Variants in COIL observed in about 807,000 individuals in gnomAD.
COIL encodes coilin p80.
COIL carries 28 observed loss-of-function variants against 51.6 expected under a neutral mutation model. The observed-to-expected ratio is 0.54, with a 90% CI of 0.40 to 0.74. The LOEUF is 0.74. Ranked by LOEUF, COIL falls within the 30% of genes least tolerant of loss-of-function variation. The pLI is 0.00. For missense variants in COIL, 667 were observed against 685.9 expected, an observed-to-expected ratio of 0.97 and a Z score of 0.31; for synonymous variants, 233 against 255.8, an observed-to-expected ratio of 0.91 and a Z score of 0.85.
rs775174640 is a variant in COIL, at chr17:56,950,710, C to T, written c.532G>A (p.Glu178Lys). 9 of 1,612,360 alleles carry T rather than the reference C, an allele frequency of 5.6e-6. No individual in the cohort carries two copies. Among genetic ancestry groups the T allele is most frequent in the South Asian group, 3.3e-5 (3 of 90,510 alleles). Residue 178 changes from glutamate (E) to lysine (K), a missense_variant, in exon 2 of 7, where the codon GAA (glutamate) becomes AAA (lysine). Transcript: ENST00000240316. ...TTTGGTGATTTTCTTTTGGCCTCTT[C>T]GTTATCATCACCCACTGTGCCACAG... is the stretch of plus-strand genomic sequence containing the variant. ...ATCGTVGDDN[E>K]EAKRKSPKKK...
intron 1 of COIL, chr17:56,952,364 G>A (rs1383573137): frequency 3.2e-5 from 14 of 440,838 alleles, no homozygotes; most frequent in East Asian, 2.5e-4. Context: ...GAAGCAAGAC[G>A]AAAACACATA....
Position 56,942,053 on chromosome 17 carries a change from A to T in COIL, c.1629T>A (p.Ala543=). The part of the protein sequence containing the change: ...NENGAEVVEY[A]VTQESKITVF... Reference sequence around the variant, plus strand: ...CACCTACCTTGCTCTCCTGTGTCACAGCGTACTCCACTACCTCGGCTCCAT... The same window carrying T: ...CACCTACCTTGCTCTCCTGTGTCACTGCGTACTCCACTACCTCGGCTCCAT... Residue 543 remains alanine, a synonymous_variant, in exon 6 of 7, where the codon GCT becomes GCA. Coordinates refer to ENST00000240316, the MANE Select transcript of COIL (RefSeq NM_004645.3). 2 of 1,614,080 alleles carry T rather than the reference A, an allele frequency of 1.2e-6. No homozygotes were observed. The highest frequency in any genetic ancestry group is 1.7e-6 in the Non-Finnish European group (2 of 1,179,898).
rs189749003 is a variant in COIL at position 56,951,077 on chromosome 17, T to C, written c.246-81A>G. On this transcript the variant is annotated intron_variant, in intron 1 of 6. Coordinates refer to ENST00000240316, the MANE Select transcript of COIL (RefSeq NM_004645.3). Reference sequence around the variant, plus strand: ...GGACATAGTTATATACTGAGATGACTCTACAAAATGTAACTACCATCAGTC... The same window carrying C: ...GGACATAGTTATATACTGAGATGACCCTACAAAATGTAACTACCATCAGTC... 5.4e-6 allele frequency: 7 copies of C among 1,306,394 alleles called. No homozygotes were observed. In the African/African-American group the frequency reaches 7.4e-5, roughly 14 times the overall value. The allele number at this position is 1,306,394 out of a possible 1,614,324, so 80.9% of individuals were successfully genotyped here.
chr17:56,938,397 G>C lies in COIL; in HGVS notation c.*674C>G, dbSNP rs1910079970. ...TGCCTGGCAAGATGACACATTTCCT[G>C]GTCTGAAGCTCACAGCCAATCCTCT... On this transcript the variant is annotated 3_prime_UTR_variant, in exon 7 of 7. Coordinates refer to ENST00000240316, the MANE Select transcript of COIL (RefSeq NM_004645.3). 2 of 152,124 alleles carry C rather than the reference G, an allele frequency of 1.3e-5. No homozygotes were observed. The highest frequency in any genetic ancestry group is 4.1e-4 in the South Asian group (2 of 4,822). The allele number at this position is 152,124 out of a possible 1,614,324, so 9.4% of individuals were successfully genotyped here. A position where few individuals can be genotyped will look rare whatever the true frequency, so the allele number is the denominator to read the frequency against.
intron 6 of COIL, chr17:56,939,806 A>C (rs1456581938): frequency 6.6e-6 from 1 of 152,136 alleles, no homozygotes. Context: ...TTTACATTAA[A>C]CATATTTCAT....
chr17:56,949,780 G>A lies in COIL; in HGVS notation c.1354-13C>T. The A allele has an allele frequency of 1.2e-6, 2 of 1,612,842 alleles. No individual in the cohort carries two copies. Among genetic ancestry groups the A allele is most frequent in the African/African-American group, 1.3e-5 (1 of 74,994 alleles). On this transcript the variant is annotated splice_polypyrimidine_tract_variant and intron_variant, in intron 2 of 6. Transcript: ENST00000240316. ...TCTCTACTGGATTCTGAAAAACAGT[G>A]TTAGTCATGTGACATCATCACTGGT... is the stretch of plus-strand genomic sequence containing the variant.
chr17:56,948,132 A>ATTTTT (rs11450212), intron 4 of COIL, among the ~76,000 whole-genome samples: 2 of 123,830 alleles, frequency 1.6e-5, no homozygotes, highest in African/African-American at 6.1e-5. Flanking sequence ...TTGAGGAAAG[A>ATTTTT]TTTTTTTTTT....
chr17:56,949,475 T>C (rs1910312450), intron 3 of COIL, 41 bp from the exon 4 acceptor site: 1 of 1,585,382 alleles, frequency 6.3e-7, no homozygotes. Flanking sequence ...TAAGCCCTCT[T>C]ATCCTCTCCC....
At chr17:56,952,149 C>T in intron 1 of COIL, 1 of 469,960 alleles carries the variant, frequency 2.1e-6, no homozygotes, top group Admixed American at 2.3e-5. Flanking sequence ...AGCATGGTTA[C>T]ACTGGCAAAT....
chr17:56,949,814 G>C (rs751399666), intron 2 of COIL, 47 bp from the exon 3 acceptor site: 1 of 1,611,626 alleles, frequency 6.2e-7, no homozygotes, highest in East Asian at 2.2e-5. Flanking sequence ...GTGAGAAAAT[G>C]TGAATCCATG....
chr17:56,941,701 G>A (rs774628319), intron 6 of COIL, among the ~76,000 whole-genome samples: 55 of 152,208 alleles, frequency 3.6e-4, no homozygotes, highest in Non-Finnish European at 1.5e-4. Flanking sequence ...GTATGTTCAT[G>A]TGAAAGTTGT....
In COIL at chr17:56,948,130, AGATT is replaced by A. The variant is rs1480481385; in HGVS notation, c.1488+1253_1488+1256del. Among the ~76,000 whole-genome samples, 617 of 116,264 alleles carry A rather than the reference AGATT, an allele frequency of 5.3e-3. 8 individuals carry two copies. Among genetic ancestry groups the A allele is most frequent in the African/African-American group, 0.021 (597 of 28,950 alleles). 76.3% of individuals were successfully genotyped at this position (116,264 alleles called of 152,430 possible). ...ATTCTTCCAGCCTGCTTTTGAGGAA[AGATT>A]TTTTTTTTTTTTTTTTTTGAGATGG... is the stretch of plus-strand genomic sequence containing the variant. On this transcript the variant is annotated intron_variant, in intron 4 of 6. Transcript: ENST00000240316.
chr17:56,956,527 A>T (rs1425109096), intron 1 of COIL, among the ~76,000 whole-genome samples: 1 of 152,074 alleles, frequency 6.6e-6, no homozygotes, highest in Non-Finnish European at 1.5e-5. Context: ...AAGTGTTGGT[A>T]TCACAGGCAT....
Position 56,939,138 on chromosome 17 carries a change from T to G in COIL, c.1664A>C (p.Lys555Thr). 1 of 1,595,604 alleles carries G rather than the reference T, an allele frequency of 6.3e-7. No individual in the cohort carries two copies. ...TQESKITVFW[K>T]ELIDPRLIIE... ...AATCAGTCTTGGGTCAATCAACTCT[T>G]TCCAAAATACAGTGATCTGAGGAAA... The change falls in exon 7 of 7, where the codon AAA becomes ACA. Residue 555 changes from lysine (K) to threonine (T), a missense_variant. Lys to Thr is a moderately conservative substitution (Grantham distance 78). Transcript: ENST00000240316.
At position 56,944,903 on chromosome 17, in the gene COIL, GCTA is replaced by G. The variant is rs1910216591; in HGVS notation, c.1558+1536_1558+1538del. 2.0e-5 allele frequency among the ~76,000 whole-genome samples: 3 copies of G among 152,076 alleles called. No homozygotes were observed. In the East Asian group the frequency reaches 5.8e-4, roughly 29 times the overall value. On this transcript the variant is annotated intron_variant, in intron 5 of 6. Transcript: ENST00000240316. ...ATGGCGGCCAGCGCCTGTAGTTCCA[GCTA>G]CTCGGGAGGCTGAGGCAGGAGGATG...
chr17:56,939,770 C>T (rs2144388600), intron 6 of COIL, among the ~76,000 whole-genome samples: 1 of 151,214 alleles, frequency 6.6e-6, no homozygotes, highest in South Asian at 2.1e-4. Flanking sequence ...AAATAAATAA[C>T]TCATTTACTT....
chr17:56,959,777 C>T (rs1910548894), intron 1 of COIL, among the ~76,000 whole-genome samples: 1 of 152,328 alleles, frequency 6.6e-6, no homozygotes, highest in Non-Finnish European at 1.5e-5. Flanking sequence ...ACCATGGGCA[C>T]GCAACAGAGT....
In COIL at chr17:56,939,138, T is replaced by A; in HGVS notation, c.1664A>T (p.Lys555Ile). 1.3e-6 allele frequency: 2 copies of A among 1,595,604 alleles called. No individual in the cohort carries two copies. The highest frequency in any genetic ancestry group is 2.2e-5 in the East Asian group (1 of 44,734). Residue 555 changes from lysine to isoleucine, a missense_variant, in exon 7 of 7, where the codon AAA becomes ATA. By Grantham distance (102) the Lys-to-Ile change is moderately radical. Transcript: ENST00000240316. ...AATCAGTCTTGGGTCAATCAACTCT[T>A]TCCAAAATACAGTGATCTGAGGAAA... ...TQESKITVFW[K>I]ELIDPRLIIE...
chr17:56,943,408 C>T (rs1910184402), intron 5 of COIL, among the ~76,000 whole-genome samples: 1 of 152,224 alleles, frequency 6.6e-6, no homozygotes, highest in South Asian at 2.1e-4. Flanking sequence ...GCTATTTCTT[C>T]TACAGACTCT....
Sources: allele counts gnomAD v4.1 joint callset (sites outside exome capture counted in the v4.1 genomes callset), GRCh38; gene constraint gnomAD v4.1.1; transcripts MANE v1.5; gene names NCBI Gene and HGNC (gene_info 2026-07-23, HGNC 2026-07-21).